NLRP2: variants seen among roughly 807,000 people sequenced by gnomAD.
NLRP2 encodes NACHT, LRR and PYD domains-containing protein 2.
Under a neutral mutation model 97.2 loss-of-function variants are expected in NLRP2, and 107 were observed. The ratio of observed to expected loss-of-function variants is 1.10; its 90% CI spans 0.94 to 1.29. The LOEUF (loss-of-function observed/expected upper bound fraction) is 1.29, where lower values mean the gene tolerates loss of function less well. Ranked by LOEUF, NLRP2 falls within the 50% of genes most tolerant of loss-of-function variation. The pLI is 0.00. For synonymous variants in NLRP2, 663 were observed against 551.5 expected, an observed-to-expected ratio of 1.20 and a Z score of -2.83; for missense variants, 1,495 against 1,330.3, an observed-to-expected ratio of 1.12 and a Z score of -1.93.
In NLRP2 at chr19:54,999,019, AC is replaced by A. The variant is rs1160408906; in HGVS notation, c.3050+1539del. On this transcript the variant is annotated intron_variant, in intron 12 of 12. Coordinates refer to ENST00000448584, the MANE Select transcript of NLRP2 (RefSeq NM_017852.5). ...TAGTACAGAACAAAATGGGGGGCTG[AC>A]CCCCCCACCTCCCTCCCGGACAGGG... is the stretch of plus-strand genomic sequence containing the variant. Among the ~76,000 whole-genome samples, 4 of 149,074 alleles carry A rather than the reference AC, an allele frequency of 2.7e-5. No individual in the cohort carries two copies. In the East Asian group the frequency reaches 5.9e-4, roughly 22 times the overall value.
At position 54,982,652 on chromosome 19, in the gene NLRP2, G is replaced by A. The variant is rs146500465; in HGVS notation, c.954G>A (p.Leu318=). The change falls in exon 6 of 13, where the codon CTG becomes CTA. Residue 318 remains leucine (L), a synonymous_variant. Transcript: ENST00000448584. ...AGAAGAAGCCGGTGCCCGTCCTCCTGGGGAGTTTGCTGAACAGGGTGATGT... is the reference window on the plus strand; with the variant it reads ...AGAAGAAGCCGGTGCCCGTCCTCCTAGGGAGTTTGCTGAACAGGGTGATGT... ...WEKKKPVPVL[L]GSLLNRVMLP... The A allele has an allele frequency of 3.1e-6, 5 of 1,614,152 alleles. No individual in the cohort carries two copies. Among genetic ancestry groups the A allele is most frequent in the Non-Finnish European group, 4.2e-6 (5 of 1,180,036 alleles).
At chr19:54,997,588 G>GAT (rs2146555721) in intron 12 of NLRP2, 101 bp downstream of exon 12, 1 of 1,241,540 alleles carries the variant, frequency 8.1e-7, no homozygotes, top group Non-Finnish European at 1.2e-6. Flanking sequence ...CTGGTAGCTG[G>GAT]ATTACAGGTT....
chr19:54,994,612 GTTTTTGTTTT>G (rs1332965007), intron 11 of NLRP2, among the ~76,000 whole-genome samples, 173 bp downstream of exon 11: 1 of 151,454 alleles, frequency 6.6e-6, no homozygotes, highest in Non-Finnish European at 1.5e-5. Context: ...CTATGTCTAA[GTTTTTGTTTT>G]TTTTTTTCTT....
At chr19:54,985,740 A>C (rs1208890890) in intron 7 of NLRP2, among the ~76,000 whole-genome samples, 3 of 151,520 alleles carry the variant, frequency 2.0e-5, no homozygotes, top group Non-Finnish European at 4.4e-5. Context: ...TCACGCCTGT[A>C]GTCCCAGCAC....
intron 10 of NLRP2, chr19:54,993,783 C>A (rs974305842): frequency 3.8e-6 from 1 of 260,304 alleles, no homozygotes; most frequent in Non-Finnish European, 7.5e-6. Context: ...GCACAAGAAT[C>A]GCGTGAAACC....
In NLRP2 at chr19:54,990,208, C is replaced by T. The variant is rs753455517; in HGVS notation, c.2537+16C>T. ...AGAGGTTGTCGTAAGTCTCTCCTCT[C>T]TTACAGAGCAGCTGTGCTTTCGATC... On this transcript the variant is annotated intron_variant, in intron 9 of 12. Coordinates refer to ENST00000448584, the MANE Select transcript of NLRP2 (RefSeq NM_017852.5). 63 of 1,613,608 alleles carry T rather than the reference C, an allele frequency of 3.9e-5. No individual in the cohort carries two copies. Among genetic ancestry groups the T allele is most frequent in the Non-Finnish European group, 3.6e-5 (43 of 1,179,652 alleles).
At chr19:54,984,851 T>C (rs935506585) in intron 6 of NLRP2, among the ~76,000 whole-genome samples, 196 bp from the exon 7 acceptor site, 2 of 152,166 alleles carry the variant, frequency 1.3e-5, no homozygotes, top group Non-Finnish European at 2.9e-5. Flanking sequence ...ATTGGATTTT[T>C]GTCTAAGAAG....
chr19:54,969,878 T>C (rs1234140394), intron 1 of NLRP2, 121 bp from the exon 2 acceptor site: 3 of 974,662 alleles, frequency 3.1e-6, no homozygotes, highest in East Asian at 2.5e-5. Context: ...GCTGGGAGTT[T>C]GTTCTTGAAG....
At chr19:54,987,128 A>ACC (rs763390795) in intron 8 of NLRP2, among the ~76,000 whole-genome samples, 4 of 138,656 alleles carry the variant, frequency 2.9e-5, no homozygotes, top group Non-Finnish European at 4.7e-5. Flanking sequence ...CAGGTGATCT[A>ACC]CCCCCCCACC....
rs552578949 is a variant in NLRP2, at chr19:54,984,005, C to G, written c.2030+277C>G. On this transcript the variant is annotated intron_variant, in intron 6 of 12. Coordinates refer to ENST00000448584, the MANE Select transcript of NLRP2 (RefSeq NM_017852.5). ...AGCTGGGACTACAGGCGCCTGCCACCTTGCCCGGCTAATTTTTATATTTTC... is the reference window on the plus strand; with the variant it reads ...AGCTGGGACTACAGGCGCCTGCCACGTTGCCCGGCTAATTTTTATATTTTC... Among the ~76,000 whole-genome samples, 13 of 152,278 alleles carry G rather than the reference C, an allele frequency of 8.5e-5. No homozygotes were observed. The South Asian group carries it at 2.7e-3, about 32-fold the overall frequency.
intron 1 of NLRP2, among the ~76,000 whole-genome samples, chr19:54,969,477 CAAA>C (rs757668995): frequency 0.024 from 2,226 of 94,570 alleles, 27 homozygotes; most frequent in African/African-American, 0.026. Flanking sequence ...GACTCCGTCT[CAAA>C]AAAAAAAAAA....
chr19:54,983,638 G>C lies in NLRP2; in HGVS notation c.1940G>C (p.Cys647Ser), dbSNP rs200381270. ...CCATCTTCATTCTGCGTCAAGCACT[G>C]TCGAAACCTGCAGAAAATGTCACTG... ...VVPSSFCVKHCRNLQKMSLQV... is the reference protein window; with the variant it reads ...VVPSSFCVKHSRNLQKMSLQV... The change falls in exon 6 of 13, where the codon TGT becomes TCT. Residue 647 changes from cysteine to serine, a missense_variant. Transcript: ENST00000448584. 2.0e-5 allele frequency: 33 copies of C among 1,614,032 alleles called. 1 individual carries two copies. The South Asian group carries it at 3.6e-4, about 18-fold the overall frequency.
At chr19:54,980,835 T>C (rs890118983) in intron 4 of NLRP2, among the ~76,000 whole-genome samples, 57 of 152,280 alleles carry the variant, frequency 3.7e-4, no homozygotes, top group African/African-American at 1.0e-3. Flanking sequence ...CCTGGCCCAG[T>C]GCAGTGGTTC....
intron 3 of NLRP2, 53 bp downstream of exon 3, chr19:54,974,597 G>C: frequency 7.9e-7 from 1 of 1,268,740 alleles, no homozygotes; most frequent in South Asian, 1.2e-5. Flanking sequence ...TGGGGACTCG[G>C]GCCTTTGTTT....
chr19:54,984,775 G>T (rs2071939209), intron 6 of NLRP2, among the ~76,000 whole-genome samples: 1 of 152,020 alleles, frequency 6.6e-6, no homozygotes, highest in Non-Finnish European at 1.5e-5. Flanking sequence ...GAGTCACCGT[G>T]CCCGGTCTAT....
chr19:54,990,380 G>T, intron 9 of NLRP2, 122 bp from the exon 10 acceptor site: 1 of 1,136,996 alleles, frequency 8.8e-7, no homozygotes. Context: ...AGGATCACCA[G>T]TGCATGATAG....
At chr19:54,975,215 A>AGCTCTGGT (rs1248639533) in intron 3 of NLRP2, among the ~76,000 whole-genome samples, 1 of 135,336 alleles carries the variant, frequency 7.4e-6, no homozygotes, top group Non-Finnish European at 1.5e-5. Flanking sequence ...TGACCTCCCA[A>AGCTCTGGT]GCTCTGGTGA....
At chr19:54,967,451 C>T (rs552760771) in intron 1 of NLRP2, among the ~76,000 whole-genome samples, 2 of 152,240 alleles carry the variant, frequency 1.3e-5, no homozygotes, top group South Asian at 4.1e-4. Flanking sequence ...CATTGCTCTC[C>T]AGCCTGCGCA....
chr19:54,992,538 TGGG>T (rs58208380), intron 10 of NLRP2, among the ~76,000 whole-genome samples: 9,101 of 101,088 alleles, frequency 0.09, 535 homozygotes, highest in East Asian at 0.29. Context: ...GGTATTTTTT[TGGG>T]GGGGGGGGGG....
Sources: allele counts gnomAD v4.1 joint callset (sites outside exome capture counted in the v4.1 genomes callset), GRCh38; gene constraint gnomAD v4.1.1; transcripts MANE v1.5; gene names NCBI Gene and HGNC (gene_info 2026-07-23, HGNC 2026-07-21).